The following TUBGCP5 variants were observed in gnomAD, a reference collection of about 807,000 sequenced individuals.
The protein encoded by TUBGCP5 is gamma-tubulin complex component 5.
TUBGCP5 carries 98 observed loss-of-function variants against 134.7 expected under a neutral mutation model. The ratio of observed to expected loss-of-function variants is 0.73; its 90% CI spans 0.62 to 0.86. The LOEUF is 0.86. Ranked by LOEUF, TUBGCP5 falls within the 40% of genes least tolerant of loss-of-function variation. The probability of loss-of-function intolerance (pLI) is 0.00; values close to 1 mark genes in which losing one functional copy is unlikely to be tolerated. For synonymous variants in TUBGCP5, 456 were observed against 431.4 expected, an observed-to-expected ratio of 1.06 and a Z score of -0.71; for missense variants, 1,150 against 1,244.8, an observed-to-expected ratio of 0.92 and a Z score of 1.15.
intron 18 of TUBGCP5, 35 bp from the exon 19 acceptor site, chr15:23,005,645 G>C: frequency 6.3e-7 from 1 of 1,596,316 alleles, no homozygotes; most frequent in Non-Finnish European, 8.6e-7. Flanking sequence ...TGGACAGAAA[G>C]AGCATCAACT....
In TUBGCP5 at chr15:23,003,117, T is replaced by G. The variant is rs757403967; in HGVS notation, c.2875A>C (p.Asn959His). 6.8e-6 allele frequency: 11 copies of G among 1,614,038 alleles called. No homozygotes were observed. Among genetic ancestry groups the G allele is most frequent in the Non-Finnish European group, 3.4e-6 (4 of 1,180,028 alleles). The change falls in exon 21 of 23, where the codon AAC (asparagine) becomes CAC (histidine). Residue 959 changes from asparagine (N) to histidine (H), a missense_variant. Asn to His is a moderately conservative substitution (Grantham distance 68). Transcript: ENST00000615383. ...FVKEAIMKVL[N>H]LALMFADGWQ... ...CCGTCTGCAAACATGAGAGCCAAGT[T>G]CAACACCTTCATGATAGCTTCTTTC...
In TUBGCP5 at chr15:23,004,244, A is replaced by G. The variant is rs1386416348; in HGVS notation, c.2713-17T>C. ...GTGTAGAATCTTGGAAGAGAAAGAT[A>G]AAAAGCTTCATCAGCAGCCTTCTTT... On this transcript the variant is annotated splice_polypyrimidine_tract_variant and intron_variant, in intron 19 of 22. Transcript: ENST00000615383. 6.2e-7 allele frequency: 1 copy of G among 1,602,632 alleles called. No individual in the cohort carries two copies. The highest frequency in any genetic ancestry group is 8.5e-7 in the Non-Finnish European group (1 of 1,176,954).
At position 23,010,122 on chromosome 15, in the gene TUBGCP5, T is replaced by C. The variant is rs2064953353; in HGVS notation, c.1967A>G (p.Glu656Gly). The change falls in exon 15 of 23, where the codon GAG becomes GGG. Residue 656 changes from glutamate to glycine, a missense_variant. Glu to Gly is a moderately conservative substitution (Grantham distance 98, BLOSUM62 -2). Around this residue, in one of 2 missense-constraint regions of TUBGCP5, gnomAD observed 697 missense variants for 850.1 expected, o/e 0.82. Coordinates refer to ENST00000615383, the MANE Select transcript of TUBGCP5 (RefSeq NM_052903.6). ...AAACTTCTCGTGAAAGTCACTCTGC[T>C]CCAAATACATCCTTCAAGATAAAAA... ...LAINFARMYL[E>G]QSDFHEKFAG... 1 of 1,611,918 alleles carries C rather than the reference T, an allele frequency of 6.2e-7. No homozygotes were observed. The highest frequency in any genetic ancestry group is 2.2e-5 in the East Asian group (1 of 44,822).
At chr15:23,015,109 G>C (rs988317168) in intron 13 of TUBGCP5, among the ~76,000 whole-genome samples, 3 of 152,074 alleles carry the variant, frequency 2.0e-5, no homozygotes, top group African/African-American at 7.2e-5. Flanking sequence ...TTTTGGGACA[G>C]AGTCTTGCTT....
intron 20 of TUBGCP5, among the ~76,000 whole-genome samples, 184 bp from the exon 21 acceptor site, chr15:23,003,337 AATGT>A (rs1208537488): frequency 6.6e-6 from 1 of 152,230 alleles, no homozygotes; most frequent in Non-Finnish European, 1.5e-5. Context: ...GCATTCACTG[AATGT>A]AAGATACAAG....
chr15:23,009,867 TAG>T, intron 15 of TUBGCP5, 76 bp downstream of exon 15: 1 of 1,349,430 alleles, frequency 7.4e-7, no homozygotes, highest in African/African-American at 1.4e-5. Context: ...AAAATTGAAA[TAG>T]GTTTTAAAAT....
intron 7 of TUBGCP5, among the ~76,000 whole-genome samples, chr15:23,026,858 G>A (rs2066011936): frequency 6.6e-6 from 1 of 152,048 alleles, no homozygotes; most frequent in Non-Finnish European, 1.5e-5. Flanking sequence ...GCTGGAACCC[G>A]GGAGGCAGAT....
chr15:23,005,732 G>C, intron 18 of TUBGCP5, 122 bp from the exon 19 acceptor site: 1 of 1,099,628 alleles, frequency 9.1e-7, no homozygotes, highest in Non-Finnish European at 1.3e-6. Flanking sequence ...CACTGGCAGG[G>C]GTGGCAGGAA....
intron 11 of TUBGCP5, among the ~76,000 whole-genome samples, chr15:23,019,535 C>A (rs149785769): frequency 2.6e-4 from 39 of 152,224 alleles, no homozygotes; most frequent in Middle Eastern, 3.4e-3. Context: ...TGGTGGCTCA[C>A]GCCTGTGATC....
At chr15:23,003,460 A>C (rs905340922) in intron 20 of TUBGCP5, among the ~76,000 whole-genome samples, 2 of 152,160 alleles carry the variant, frequency 1.3e-5, no homozygotes, top group African/African-American at 4.8e-5. Flanking sequence ...CAATGGTTTT[A>C]ACATTACTGA....
At chr15:23,019,172 A>C in intron 12 of TUBGCP5, 47 bp downstream of exon 12, 2 of 1,366,212 alleles carry the variant, frequency 1.5e-6, no homozygotes, top group Non-Finnish European at 2.1e-6. Flanking sequence ...TGGGGAGGAA[A>C]CTGGTGATGC....
At chr15:23,004,555 G>C in intron 19 of TUBGCP5, 1 of 210,072 alleles carries the variant, frequency 4.8e-6, no homozygotes, top group Non-Finnish European at 9.3e-6. Flanking sequence ...AAAAAATCAA[G>C]TAAATGTGTT....
intron 16 of TUBGCP5, among the ~76,000 whole-genome samples, chr15:23,007,612 T>C (rs940227650): frequency 1.3e-5 from 2 of 152,060 alleles, no homozygotes; most frequent in East Asian, 3.9e-4. Flanking sequence ...CTGGAGACTA[T>C]GTCACAGGGG....
At position 23,024,209 on chromosome 15, in the gene TUBGCP5, A is replaced by C; in HGVS notation, c.922-16T>G. 1 of 1,606,228 alleles carries C rather than the reference A, an allele frequency of 6.2e-7. No individual in the cohort carries two copies. The highest frequency in any genetic ancestry group is 8.5e-7 in the Non-Finnish European group (1 of 1,174,854). On this transcript the variant is annotated splice_polypyrimidine_tract_variant and intron_variant, in intron 9 of 22. Transcript: ENST00000615383. ...GTAAACAGCTCTACAACACAAGCAA[A>C]CTGCAATTATTCAAAGGTGGTCTTC...
intron 23 of TUBGCP5, among the ~76,000 whole-genome samples, chr15:22,987,246 A>C (rs2063705724): frequency 6.6e-6 from 1 of 151,834 alleles, no homozygotes; most frequent in Non-Finnish European, 1.5e-5. Flanking sequence ...AGGCAGGAGA[A>C]TCACTTGAAT....
At chr15:23,015,713 C>A (rs939384285) in intron 13 of TUBGCP5, among the ~76,000 whole-genome samples, 5 of 152,144 alleles carry the variant, frequency 3.3e-5, no homozygotes, top group Non-Finnish European at 7.4e-5. Context: ...CCACAAACCC[C>A]CTCACTGTAG....
Position 23,039,399 on chromosome 15 carries a change from T to G in TUBGCP5, c.145A>C (p.Arg49=). 1 of 1,487,224 alleles carries G rather than the reference T, an allele frequency of 6.7e-7. No individual in the cohort carries two copies. Among genetic ancestry groups the G allele is most frequent in the Non-Finnish European group, 9.0e-7 (1 of 1,108,778 alleles). 92.1% of individuals were successfully genotyped at this position (1,487,224 alleles called of 1,614,324 possible). The change falls in exon 1 of 23, where the codon AGA becomes CGA. Residue 49 remains arginine (R), a splice_region_variant and synonymous_variant. Transcript: ENST00000615383. ...LALNFAWSNF[R]FHRFLDVNSH... ...CCGCCCGCGCGCCGTGCCCCACACC[T>G]GAAGTTGGACCAGGCGAAGTTTAGG...
In TUBGCP5 at chr15:22,999,808, C is replaced by T. The variant is rs747302187; in HGVS notation, c.*12G>A. On this transcript the variant is annotated 3_prime_UTR_variant, in exon 23 of 23. Coordinates refer to ENST00000615383, the MANE Select transcript of TUBGCP5 (RefSeq NM_052903.6). ...ATGACAAAGTCGGAGATATTTATTA[C>T]GCTGAAGACATTTAACTTTGTTCCA... 6.1e-5 allele frequency: 99 copies of T among 1,612,208 alleles called. 1 individual carries two copies. The South Asian group carries it at 9.7e-4, about 16-fold the overall frequency.
chr15:23,005,999 TA>T, intron 18 of TUBGCP5, 52 bp downstream of exon 18: 1 of 1,532,122 alleles, frequency 6.5e-7, no homozygotes, highest in Non-Finnish European at 8.7e-7. Context: ...CCTCTTTTAT[TA>T]AGGGCTAAAA....
Sources: allele counts gnomAD v4.1 joint callset (sites outside exome capture counted in the v4.1 genomes callset), GRCh38; gene constraint gnomAD v4.1.1; regional missense constraint gnomAD v4.1.1; transcripts MANE v1.5; gene names NCBI Gene and HGNC (gene_info 2026-07-23, HGNC 2026-07-21).